The following ROBO1 variants were observed in gnomAD, a reference collection of about 807,000 sequenced individuals.
The protein encoded by ROBO1 is roundabout homolog 1.
Under a neutral mutation model 195.9 loss-of-function variants are expected in ROBO1, and 149 were observed. The ratio of observed to expected loss-of-function variants is 0.76; its 90% CI spans 0.67 to 0.87. ROBO1 has a LOEUF of 0.87. ROBO1 is among the 40% of genes least tolerant of loss of function. The pLI, the probability that ROBO1 is intolerant of heterozygous loss-of-function variation, is 0.00. For synonymous variants in ROBO1, 816 were observed against 733.2 expected, an observed-to-expected ratio of 1.11 and a Z score of -1.82; for missense variants, 1,933 against 2,068.3, an observed-to-expected ratio of 0.93 and a Z score of 1.27.
intron 3 of ROBO1, among the ~76,000 whole-genome samples, chr3:78,999,969 T>C (rs529792619): frequency 6.6e-6 from 1 of 152,272 alleles, no homozygotes; most frequent in East Asian, 1.9e-4. Flanking sequence ...GCACTTCTAT[T>C]ACCATGTGGG....
intron 2 of ROBO1, among the ~76,000 whole-genome samples, chr3:79,216,087 A>G (rs1213697012): frequency 6.6e-6 from 1 of 152,140 alleles, no homozygotes; most frequent in African/African-American, 2.4e-5. Flanking sequence ...TCCTTTAGGT[A>G]TTTGTTAATT....
chr3:79,579,676 A>G (rs545259229), intron 2 of ROBO1, among the ~76,000 whole-genome samples: 1 of 152,348 alleles, frequency 6.6e-6, no homozygotes, highest in African/African-American at 2.4e-5. Flanking sequence ...TTATTAAAAG[A>G]ACATGGAATC....
intron 14 of ROBO1, among the ~76,000 whole-genome samples, chr3:78,664,415 G>A (rs1478386673): frequency 6.6e-6 from 1 of 152,102 alleles, no homozygotes; most frequent in Non-Finnish European, 1.5e-5. Context: ...ACACAGACAG[G>A]GCACATGGGT....
At chr3:79,414,585 C>T (rs1218599654) in intron 2 of ROBO1, among the ~76,000 whole-genome samples, 1 of 152,066 alleles carries the variant, frequency 6.6e-6, no homozygotes, top group East Asian at 1.9e-4. Context: ...AACCTCATTA[C>T]ATTTATTCCT....
intron 2 of ROBO1, among the ~76,000 whole-genome samples, chr3:79,472,546 C>T (rs1430466497): frequency 1.3e-5 from 2 of 152,102 alleles, no homozygotes; most frequent in Admixed American, 1.3e-4. Context: ...AGAAGAGGTA[C>T]TACTTTGGCA....
chr3:78,674,616 T>A (rs1708282554), intron 10 of ROBO1, among the ~76,000 whole-genome samples: 1 of 152,200 alleles, frequency 6.6e-6, no homozygotes, highest in African/African-American at 2.4e-5. Flanking sequence ...TTGAACTGGC[T>A]AGTAGGGAAG....
At chr3:79,475,225 A>G (rs1938490368) in intron 2 of ROBO1, among the ~76,000 whole-genome samples, 1 of 151,938 alleles carries the variant, frequency 6.6e-6, no homozygotes, top group African/African-American at 2.4e-5. Context: ...TATGTTTTGA[A>G]TCATAAGGGT....
chr3:79,225,903 T>C (rs903575658), intron 2 of ROBO1, among the ~76,000 whole-genome samples: 1 of 152,166 alleles, frequency 6.6e-6, no homozygotes, highest in East Asian at 1.9e-4. Flanking sequence ...TCAGGTACCT[T>C]GTTGTCTTTA....
chr3:78,747,828 T>C (rs1193397241), intron 4 of ROBO1, among the ~76,000 whole-genome samples: 1 of 152,146 alleles, frequency 6.6e-6, no homozygotes, highest in Non-Finnish European at 1.5e-5. Context: ...TACAGTAAAA[T>C]TGTCCCCAGT....
chr3:79,744,195 A>G (rs183283472), intron 1 of ROBO1, among the ~76,000 whole-genome samples: 1 of 152,304 alleles, frequency 6.6e-6, no homozygotes, highest in African/African-American at 2.4e-5. Context: ...ATTAAGCGAT[A>G]GTTATTTTTT....
chr3:79,599,172 C>T (rs555276175), intron 1 of ROBO1, among the ~76,000 whole-genome samples: 51 of 152,006 alleles, frequency 3.4e-4, no homozygotes, highest in African/African-American at 1.2e-3. Flanking sequence ...GCTTTTATAA[C>T]CCTGCATGTG....
intron 3 of ROBO1, among the ~76,000 whole-genome samples, chr3:79,046,717 G>A (rs1408663511): frequency 1.3e-5 from 2 of 152,044 alleles, no homozygotes; most frequent in Non-Finnish European, 2.9e-5. Context: ...TTCGCTGGCA[G>A]CTGATTAGAT....
chr3:79,425,629 A>C (rs1323534793), intron 2 of ROBO1, among the ~76,000 whole-genome samples: 2 of 152,120 alleles, frequency 1.3e-5, no homozygotes, highest in African/African-American at 4.8e-5. Context: ...ACATAAAACA[A>C]AGATTAAGAA....
At chr3:79,009,042 G>T (rs990647744) in intron 3 of ROBO1, among the ~76,000 whole-genome samples, 2 of 150,384 alleles carry the variant, frequency 1.3e-5, no homozygotes, top group Non-Finnish European at 2.9e-5. Flanking sequence ...CCGGGTTCCA[G>T]CAACTCTCCT....
intron 1 of ROBO1, among the ~76,000 whole-genome samples, chr3:79,658,441 T>C (rs531379538): frequency 6.6e-6 from 1 of 152,194 alleles, no homozygotes; most frequent in Admixed American, 6.5e-5. Context: ...ATTAAAGTAG[T>C]ACTAATTTGT....
intron 3 of ROBO1, among the ~76,000 whole-genome samples, chr3:79,051,247 A>T (rs930409120): frequency 6.6e-6 from 1 of 152,228 alleles, no homozygotes; most frequent in Admixed American, 6.5e-5. Flanking sequence ...TCCCACAGAA[A>T]TAAAACTGCC....
chr3:79,422,806 A>T (rs2038283977), intron 2 of ROBO1, among the ~76,000 whole-genome samples: 1 of 152,148 alleles, frequency 6.6e-6, no homozygotes, highest in Admixed American at 6.6e-5. Flanking sequence ...GCAATATAAA[A>T]GTAGAATCAA....
At chr3:78,904,176 C>A (rs529905119) in intron 4 of ROBO1, among the ~76,000 whole-genome samples, 8 of 151,580 alleles carry the variant, frequency 5.3e-5, no homozygotes, top group African/African-American at 1.9e-4. Flanking sequence ...TTCAGTTTTT[C>A]AACAATTCAT....
At chr3:78,746,066 G>C (rs1484940443) in intron 5 of ROBO1, among the ~76,000 whole-genome samples, 1 of 152,134 alleles carries the variant, frequency 6.6e-6, no homozygotes, top group Non-Finnish European at 1.5e-5. Context: ...TGAGGGCTTG[G>C]TGACTGAGGT....
Sources: gnomAD v4.1 joint callset for allele counts (sites outside exome capture counted in the v4.1 genomes callset) on GRCh38, gnomAD v4.1.1 for gene constraint, MANE v1.5 for transcripts, NCBI Gene and HGNC (gene_info 2026-07-23, HGNC 2026-07-21) for gene names.